The following PALMD variants were observed in gnomAD, a reference collection of about 807,000 sequenced individuals.
The protein encoded by PALMD is paralemmin-like protein.
Under a neutral mutation model 56.2 loss-of-function variants are expected in PALMD, and 42 were observed. The observed-to-expected ratio is 0.75, with a 90% CI of 0.58 to 0.97. The LOEUF is 0.97. PALMD is among the 50% of genes least tolerant of loss of function. The pLI, the probability that PALMD is intolerant of heterozygous loss-of-function variation, is 0.00. For synonymous variants in PALMD, 242 were observed against 222.9 expected, an observed-to-expected ratio of 1.09 and a Z score of -0.76; for missense variants, 660 against 643.8, an observed-to-expected ratio of 1.03 and a Z score of -0.27.
chr1:99,676,911 A>T (rs1013176490), intron 3 of PALMD, among the ~76,000 whole-genome samples: 1 of 152,208 alleles, frequency 6.6e-6, no homozygotes, highest in Non-Finnish European at 1.5e-5. Context: ...CCTCTGACCC[A>T]TCAGTAGTAA....
At chr1:99,665,527 A>C (rs1011249968) in intron 2 of PALMD, among the ~76,000 whole-genome samples, 1 of 152,158 alleles carries the variant, frequency 6.6e-6, no homozygotes, top group African/African-American at 2.4e-5. Flanking sequence ...AAGTTTTACA[A>C]GACTAAAATT....
At chr1:99,673,477 T>C (rs1347079276) in intron 3 of PALMD, among the ~76,000 whole-genome samples, 4 of 149,942 alleles carry the variant, frequency 2.7e-5, no homozygotes, top group Non-Finnish European at 5.9e-5. Flanking sequence ...TATGACAACA[T>C]AAGAAAAAAA....
chr1:99,646,457 A>C (rs756087917), intron 1 of PALMD, 95 bp downstream of exon 1: 113 of 901,356 alleles, frequency 1.3e-4, no homozygotes, highest in Non-Finnish European at 2.0e-4. Context: ...TCGCAAGTGG[A>C]AAAACAGAAC....
In PALMD at chr1:99,681,103, ATATG is replaced by A. The variant is rs1653332064; in HGVS notation, c.252-5571_252-5568del. On this transcript the variant is annotated intron_variant, in intron 3 of 7. Coordinates refer to ENST00000263174, the MANE Select transcript of PALMD (RefSeq NM_017734.5). ...TATATATACATATATGTGTGTGTAT[ATATG>A]TGTGTGTGTGTGTGTGTGTGTGTGT... Among the ~76,000 whole-genome samples, 7 of 51,350 alleles carry A rather than the reference ATATG, an allele frequency of 1.4e-4. No homozygotes were observed. The Admixed American group carries it at 1.5e-3, about 11-fold the overall frequency. The allele number at this position is 51,350 out of a possible 152,430, so 33.7% of individuals were successfully genotyped here.
intron 3 of PALMD, among the ~76,000 whole-genome samples, chr1:99,672,485 T>C (rs61631046): frequency 0.024 from 3,719 of 152,280 alleles, 167 homozygotes; most frequent in African/African-American, 0.084. Flanking sequence ...TTTAGAAATC[T>C]TGTCCTAACA....
At chr1:99,663,623 A>C (rs1188029426) in intron 2 of PALMD, among the ~76,000 whole-genome samples, 1 of 151,930 alleles carries the variant, frequency 6.6e-6, no homozygotes, top group Non-Finnish European at 1.5e-5. Context: ...CAATACACAC[A>C]ATCTGGATCT....
intron 3 of PALMD, among the ~76,000 whole-genome samples, chr1:99,676,369 C>A (rs1383537352): frequency 6.6e-6 from 1 of 152,010 alleles, no homozygotes; most frequent in Non-Finnish European, 1.5e-5. Flanking sequence ...CTGAATTATT[C>A]TTCATCTTTT....
chr1:99,675,108 T>A (rs1450612177), intron 3 of PALMD, among the ~76,000 whole-genome samples: 7 of 152,236 alleles, frequency 4.6e-5, no homozygotes, highest in Admixed American at 3.3e-4. Context: ...TTGGAATTTA[T>A]ATTTGTTGAT....
At chr1:99,669,286 G>C (rs1046262068) in intron 3 of PALMD, 1 of 152,040 alleles carries the variant, frequency 6.6e-6, no homozygotes, top group Non-Finnish European at 1.5e-5. Flanking sequence ...TGAAATGTTT[G>C]CATTTATAAA....
At chr1:99,656,127 A>AT (rs1177073179) in intron 1 of PALMD, among the ~76,000 whole-genome samples, 1 of 152,028 alleles carries the variant, frequency 6.6e-6, no homozygotes, top group Non-Finnish European at 1.5e-5. Flanking sequence ...ATTTGGTTTT[A>AT]TTTTTTTAAA....
chr1:99,659,329 A>G (rs1652795256), intron 1 of PALMD, among the ~76,000 whole-genome samples: 3 of 152,258 alleles, frequency 2.0e-5, no homozygotes, highest in Admixed American at 2.0e-4. Flanking sequence ...TCTGGGCGTC[A>G]GTTGCTAAAA....
chr1:99,689,722 G>A lies in PALMD; in HGVS notation c.1462G>A (p.Ala488Thr). Residue 488 changes from alanine (A) to threonine (T), a missense_variant, in exon 7 of 8, where the codon GCT (alanine) becomes ACT (threonine). Physicochemically the swap from Ala to Thr is moderately conservative, Grantham distance 58. Transcript: ENST00000263174. ...ACCACTTCCTAGAAAAAGATCAGAAGCTAGTCCTCATGAAAACACAAATCA... is the reference window on the plus strand; with the variant it reads ...ACCACTTCCTAGAAAAAGATCAGAAACTAGTCCTCATGAAAACACAAATCA... ...PTPLPRKRSE[A>T]SPHENTNHKS... 1 of 1,613,826 alleles carries A rather than the reference G, an allele frequency of 6.2e-7. No individual in the cohort carries two copies. The highest frequency in any genetic ancestry group is 8.5e-7 in the Non-Finnish European group (1 of 1,179,876).
intron 3 of PALMD, among the ~76,000 whole-genome samples, chr1:99,680,684 TAGAG>T (rs917779869): frequency 6.6e-6 from 1 of 152,158 alleles, no homozygotes; most frequent in Non-Finnish European, 1.5e-5. Context: ...ATGTGAAAGT[TAGAG>T]AGTTACCCCA....
rs1241592431 is a variant in PALMD at position 99,694,196 on chromosome 1, T to C, written c.*134T>C. 1.7e-6 allele frequency: 1 copy of C among 581,434 alleles called. No individual in the cohort carries two copies. The highest frequency in any genetic ancestry group is 1.9e-5 in the African/African-American group (1 of 52,350). 36.0% of individuals were successfully genotyped at this position (581,434 alleles called of 1,614,324 possible). A position where few individuals can be genotyped will look rare whatever the true frequency, so the allele number is the denominator to read the frequency against. The stretch of plus-strand genomic sequence containing the variant: ...TTACAGTGTACCATATTAAGCCATG[T>C]GAATAAGTAGTAGTCATTATTTGTG... On this transcript the variant is annotated 3_prime_UTR_variant, in exon 8 of 8. Coordinates refer to ENST00000263174, the MANE Select transcript of PALMD (RefSeq NM_017734.5).
At chr1:99,652,561 G>A (rs558717322) in intron 1 of PALMD, among the ~76,000 whole-genome samples, 23 of 151,320 alleles carry the variant, frequency 1.5e-4, no homozygotes, top group African/African-American at 4.4e-4. Context: ...CTGTGATTGC[G>A]TCACTGCACT....
intron 2 of PALMD, among the ~76,000 whole-genome samples, chr1:99,664,210 C>T (rs1419830401): frequency 1.3e-5 from 2 of 152,076 alleles, no homozygotes; most frequent in Non-Finnish European, 2.9e-5. Flanking sequence ...ACACATTGTC[C>T]TAATTTGGGA....
In PALMD at chr1:99,679,172, G is replaced by A. The variant is rs181159932; in HGVS notation, c.252-7504G>A. 1.4e-3 allele frequency among the ~76,000 whole-genome samples: 206 copies of A among 152,150 alleles called. 1 individual carries two copies. The highest frequency in any genetic ancestry group is 2.1e-3 in the Non-Finnish European group (141 of 68,006). On this transcript the variant is annotated intron_variant, in intron 3 of 7. Coordinates refer to ENST00000263174, the MANE Select transcript of PALMD (RefSeq NM_017734.5). Reference sequence around the variant, plus strand: ...ATAAGAGAGTTTGGGCTACTGAAACGCAAGTAATTCATCAGTCCCTTCAAA... The same window carrying A: ...ATAAGAGAGTTTGGGCTACTGAAACACAAGTAATTCATCAGTCCCTTCAAA...
chr1:99,672,369 A>C (rs1653105582), intron 3 of PALMD, among the ~76,000 whole-genome samples: 1 of 152,200 alleles, frequency 6.6e-6, no homozygotes, highest in Admixed American at 6.5e-5. Context: ...GCCTCCCAAA[A>C]GAGCCCTGCG....
At chr1:99,657,095 C>G (rs1406815907) in intron 1 of PALMD, among the ~76,000 whole-genome samples, 1 of 152,162 alleles carries the variant, frequency 6.6e-6, no homozygotes, top group Non-Finnish European at 1.5e-5. Context: ...GGAGGCTCTC[C>G]TTAGCCTCCT....
Sources: gnomAD v4.1 joint callset for allele counts (sites outside exome capture counted in the v4.1 genomes callset) on GRCh38, gnomAD v4.1.1 for gene constraint, MANE v1.5 for transcripts, NCBI Gene and HGNC (gene_info 2026-07-23, HGNC 2026-07-21) for gene names.